DGKH: variants seen among roughly 807,000 people sequenced by gnomAD.
DGKH encodes the protein DAG kinase eta.
In DGKH, 90 loss-of-function variants were observed where a neutral mutation model predicts 159.3. That is an observed-to-expected ratio of 0.57 (90% confidence interval 0.48 to 0.67). The LOEUF (loss-of-function observed/expected upper bound fraction) is 0.67. Among genes scored for constraint, DGKH ranks in the 30% least tolerant of loss-of-function variants. The pLI, the probability that DGKH is intolerant of heterozygous loss-of-function variation, is 0.00. For missense variants in DGKH, 1,181 were observed against 1,506.1 expected (o/e 0.78, Z 3.57); for synonymous variants, 536 against 553.8 (o/e 0.97, Z 0.45).
chr13:42,071,710 A>G (rs973648906), intron 1 of DGKH, among the ~76,000 whole-genome samples: 3 of 152,212 alleles, frequency 2.0e-5, no homozygotes, highest in African/African-American at 4.8e-5. Flanking sequence ...GCTACTGTCC[A>G]TCTTACTCTG....
Position 42,189,229 on chromosome 13 carries a change from C to A in DGKH, c.1832C>A (p.Ala611Asp). ...GTTACAAAACCTTCCTCCCAGAAAGCCGTCAAACCAAGGGAAATCATGTTG... is the reference window on the plus strand; with the variant it reads ...GTTACAAAACCTTCCTCCCAGAAAGACGTCAAACCAAGGGAAATCATGTTG... Reference protein sequence around the residue: ...DDVTKPSSQKAVKPREIMLRA... With the variant: ...DDVTKPSSQKDVKPREIMLRA... The change falls in exon 15 of 30, where the codon GCC becomes GAC. Residue 611 changes from alanine to aspartate, a missense_variant. Coordinates refer to ENST00000337343, the MANE Select transcript of DGKH (RefSeq NM_178009.5). The A allele has an allele frequency of 6.2e-7, 1 of 1,614,184 alleles. No individual in the cohort carries two copies. The highest frequency in any genetic ancestry group is 1.1e-5 in the South Asian group (1 of 91,086).
intron 13 of DGKH, among the ~76,000 whole-genome samples, chr13:42,179,653 G>A (rs879674132): frequency 1.3e-5 from 2 of 151,950 alleles, no homozygotes; most frequent in Non-Finnish European, 1.5e-5. Flanking sequence ...GGTGGTGCTT[G>A]CCTGTAGTCC....
chr13:42,089,025 G>A (rs1451075253), intron 1 of DGKH, among the ~76,000 whole-genome samples: 3 of 152,084 alleles, frequency 2.0e-5, no homozygotes, highest in Non-Finnish European at 4.4e-5. Flanking sequence ...GGATAGTGAG[G>A]GATATTACAT....
Position 42,194,914 on chromosome 13 carries a change from C to T in DGKH, c.2065C>T (p.Arg689Trp), listed in dbSNP as rs764666256. The T allele has an allele frequency of 4.3e-5, 69 of 1,613,654 alleles. No individual in the cohort carries two copies. The highest frequency in any genetic ancestry group is 5.3e-5 in the Non-Finnish European group (63 of 1,179,892). The change falls in exon 17 of 30, where the codon CGG becomes TGG. Residue 689 changes from arginine (R) to tryptophan (W), a missense_variant. Coordinates refer to ENST00000337343, the MANE Select transcript of DGKH (RefSeq NM_178009.5). ...AACTGCACCTCGGTCTCCAGATGCC[C>T]GGGCAAGTTATGGCCATTCCCAAAC... ...VKTAPRSPDA[R>W]ASYGHSQTDS...
At chr13:42,201,727 T>TA (rs1198711790) in intron 20 of DGKH, among the ~76,000 whole-genome samples, 1 of 152,192 alleles carries the variant, frequency 6.6e-6, no homozygotes, top group Non-Finnish European at 1.5e-5. Context: ...AAAGAAGACT[T>TA]ACCAATAAGA....
Position 42,210,774 on chromosome 13 carries a change from C to T in DGKH, c.3014+9C>T. Reference sequence around the variant, plus strand: ...GAGGAGCTCATTACTAGGTAGGGGGCTCTGCTGACTTTTCAGGCTGTGGGA... The same window carrying T: ...GAGGAGCTCATTACTAGGTAGGGGGTTCTGCTGACTTTTCAGGCTGTGGGA... On this transcript the variant is annotated intron_variant, in intron 24 of 29. Coordinates refer to ENST00000337343, the MANE Select transcript of DGKH (RefSeq NM_178009.5). The T allele has an allele frequency of 6.2e-7, 1 of 1,602,590 alleles. No individual in the cohort carries two copies. Among genetic ancestry groups the T allele is most frequent in the East Asian group, 2.2e-5 (1 of 44,764 alleles).
At chr13:42,050,196 C>A (rs529852452) in intron 1 of DGKH, among the ~76,000 whole-genome samples, 6 of 152,256 alleles carry the variant, frequency 3.9e-5, no homozygotes, top group African/African-American at 1.2e-4. Context: ...CATGGTGAAA[C>A]CCCATGTCTA....
At position 42,139,706 on chromosome 13, in the gene DGKH, A is replaced by T. The variant is rs568665636; in HGVS notation, c.384+10074A>T. Among the ~76,000 whole-genome samples, 4 of 152,348 alleles carry T rather than the reference A, an allele frequency of 2.6e-5. No homozygotes were observed. In the South Asian group the frequency reaches 8.3e-4, roughly 32 times the overall value. ...TCATTCATTTATTTAACAAATATTT[A>T]TCGAAGAGTTCATTATATATAGCAG... On this transcript the variant is annotated intron_variant, in intron 3 of 29. Transcript: ENST00000337343.
intron 3 of DGKH, among the ~76,000 whole-genome samples, chr13:42,133,531 A>C (rs1454283780): frequency 2.0e-5 from 3 of 151,730 alleles, no homozygotes; most frequent in African/African-American, 4.8e-5. Flanking sequence ...CCTTCTCTAC[A>C]AAAAAAATCC....
chr13:42,122,109 C>T (rs1955085671), intron 1 of DGKH, among the ~76,000 whole-genome samples: 1 of 151,952 alleles, frequency 6.6e-6, no homozygotes, highest in Non-Finnish European at 1.5e-5. Flanking sequence ...TCTGGTAGAA[C>T]TTTTATAATA....
In DGKH at chr13:42,129,600, G is replaced by A. The variant is rs757633616; in HGVS notation, c.352G>A (p.Ala118Thr). The A allele has an allele frequency of 2.7e-5, 43 of 1,612,894 alleles. No homozygotes were observed. Among genetic ancestry groups the A allele is most frequent in the Non-Finnish European group, 3.6e-5 (42 of 1,179,448 alleles). ...VDLSDASVAE[A>T]STKNANNSFT... ...CCTCTCAGATGCTAGTGTAGCTGAAGCAAGCACGAAAAATGCTAACAACAG... is the reference window on the plus strand; with the variant it reads ...CCTCTCAGATGCTAGTGTAGCTGAAACAAGCACGAAAAATGCTAACAACAG... The change falls in exon 3 of 30, where the codon GCA becomes ACA. Residue 118 changes from alanine (A) to threonine (T), a missense_variant. Physicochemically the swap from Ala to Thr is moderately conservative, Grantham distance 58. Transcript: ENST00000337343.
chr13:42,107,760 G>T (rs537074488), intron 1 of DGKH, among the ~76,000 whole-genome samples: 56 of 151,918 alleles, frequency 3.7e-4, no homozygotes, highest in Admixed American at 1.8e-3. Context: ...AAGCAGGAGG[G>T]CTCGGCTTCT....
At chr13:42,074,779 G>T (rs959340596) in intron 1 of DGKH, among the ~76,000 whole-genome samples, 1 of 152,004 alleles carries the variant, frequency 6.6e-6, no homozygotes, top group Non-Finnish European at 1.5e-5. Context: ...CATTTTAGCT[G>T]TTCACTATCT....
rs372421406 is a variant in DGKH, at chr13:42,129,690, C to T, written c.384+58C>T. On this transcript the variant is annotated intron_variant, in intron 3 of 29. Coordinates refer to ENST00000337343, the MANE Select transcript of DGKH (RefSeq NM_178009.5). ...AAGTTATAGAATGACCTTTCTTAAG[C>T]GTGTACAGAATGCCCTGTTCAATTA... is the stretch of plus-strand genomic sequence containing the variant. The T allele has an allele frequency of 3.5e-3, 5,139 of 1,483,920 alleles. 26 individuals are homozygous for T. The highest frequency in any genetic ancestry group is 8.5e-3 in the South Asian group (710 of 83,616). 91.9% of individuals were successfully genotyped at this position (1,483,920 alleles called of 1,614,324 possible). A position where few individuals can be genotyped will look rare whatever the true frequency, so the allele number is the denominator to read the frequency against.
At chr13:42,073,240 C>T (rs1339400535) in intron 1 of DGKH, among the ~76,000 whole-genome samples, 1 of 152,150 alleles carries the variant, frequency 6.6e-6, no homozygotes, top group Non-Finnish European at 1.5e-5. Flanking sequence ...GCAGGGTATG[C>T]AGTGTATTAA....
intron 1 of DGKH, among the ~76,000 whole-genome samples, chr13:42,059,859 ATCTTC>A (rs1174687700): frequency 6.8e-5 from 10 of 148,040 alleles, no homozygotes; most frequent in African/African-American, 2.2e-4. Flanking sequence ...ATCTTCTCAC[ATCTTC>A]TCTTCTTTTG....
intron 1 of DGKH, chr13:42,068,926 A>C: frequency 7.5e-7 from 1 of 1,326,164 alleles, no homozygotes; most frequent in Non-Finnish European, 1.0e-6. Flanking sequence ...ATGTCTGCTG[A>C]GTGTTTTAGT....
chr13:42,043,207 A>G (rs576251833), intron 1 of DGKH, among the ~76,000 whole-genome samples: 12 of 152,234 alleles, frequency 7.9e-5, no homozygotes, highest in South Asian at 6.2e-4. Context: ...GTGTGTGTGT[A>G]TATATATATG....
intron 20 of DGKH, among the ~76,000 whole-genome samples, chr13:42,205,105 G>C (rs1229387761): frequency 1.3e-5 from 2 of 152,116 alleles, no homozygotes; most frequent in East Asian, 3.8e-4. Context: ...CATTTTAGGT[G>C]TGACATCTGT....
Sources: allele counts gnomAD v4.1 joint callset (sites outside exome capture counted in the v4.1 genomes callset), GRCh38; gene constraint gnomAD v4.1.1; transcripts MANE v1.5; gene names NCBI Gene and HGNC (gene_info 2026-07-23, HGNC 2026-07-21).